WWOX: variants seen among roughly 807,000 people sequenced by gnomAD.
WWOX encodes WW domain-containing oxidoreductase.
A neutral mutation model predicts 46.2 loss-of-function variants in WWOX; 69 were observed. The observed-to-expected ratio is 1.49, with a 90% CI of 1.23 to 1.82. The LOEUF is 1.82. Among genes scored for constraint, WWOX ranks in the 40% most tolerant of loss-of-function variants. WWOX has a pLI of 0.00. For synonymous variants in WWOX, 359 were observed against 202.6 expected (o/e 1.77, Z -6.56); for missense variants, 919 against 542.6 (o/e 1.69, Z -6.89).
At chr16:78,246,175 C>T (rs1231663752) in intron 5 of WWOX, among the ~76,000 whole-genome samples, 2 of 152,140 alleles carry the variant, frequency 1.3e-5, no homozygotes, top group Admixed American at 6.5e-5. Flanking sequence ...GCCATTGAAA[C>T]ATTGCATTTG....
At position 79,192,197 on chromosome 16, in the gene WWOX, A is replaced by G. The variant is rs551783448; in HGVS notation, c.1057-19411A>G. On this transcript the variant is annotated intron_variant, in intron 8 of 8. Transcript: ENST00000566780. ...GCCAGCTCTAATAGGGAATGTGTGT[A>G]TTTTTAAAGTCTGGGTAAGCACTGT... Among the ~76,000 whole-genome samples, 8 of 152,354 alleles carry G rather than the reference A, an allele frequency of 5.3e-5. 1 individual carries two copies. The highest frequency in any genetic ancestry group is 5.2e-4 in the Admixed American group (8 of 15,304).
At chr16:78,269,830 C>G (rs115803728) in intron 5 of WWOX, among the ~76,000 whole-genome samples, 2,772 of 151,966 alleles carry the variant, frequency 0.018, 80 homozygotes, top group African/African-American at 0.06. Flanking sequence ...CACACACACA[C>G]AGTTTTCCAG....
intron 8 of WWOX, among the ~76,000 whole-genome samples, chr16:78,548,816 C>G (rs956094875): frequency 6.6e-6 from 1 of 152,122 alleles, no homozygotes; most frequent in Non-Finnish European, 1.5e-5. Context: ...TCAATATTTG[C>G]CTTTTGGCTG....
chr16:79,104,735 C>G (rs2049272878), intron 8 of WWOX, among the ~76,000 whole-genome samples: 1 of 152,072 alleles, frequency 6.6e-6, no homozygotes, highest in African/African-American at 2.4e-5. Flanking sequence ...CAGCATGAGT[C>G]CTTTTCAGAG....
intron 8 of WWOX, among the ~76,000 whole-genome samples, chr16:79,045,629 G>A (rs1172552695): frequency 6.6e-6 from 1 of 152,050 alleles, no homozygotes; most frequent in African/African-American, 2.4e-5. Flanking sequence ...GACCAGCTTG[G>A]AGGCAGAGGC....
intron 8 of WWOX, among the ~76,000 whole-genome samples, chr16:78,621,633 C>T (rs377664697): frequency 8.7e-4 from 35 of 40,454 alleles, no homozygotes; most frequent in African/African-American, 2.9e-3. Flanking sequence ...GAGACAGAGT[C>T]TTGCTCTGTT....
chr16:78,457,286 C>T (rs1263886361), intron 8 of WWOX, among the ~76,000 whole-genome samples: 6 of 152,156 alleles, frequency 3.9e-5, no homozygotes, highest in Admixed American at 2.6e-4. Flanking sequence ...TTCCATTGCA[C>T]GACTTTAAAT....
chr16:79,044,411 C>A (rs1017886693), intron 8 of WWOX, among the ~76,000 whole-genome samples: 1 of 152,114 alleles, frequency 6.6e-6, no homozygotes, highest in Non-Finnish European at 1.5e-5. Context: ...TTACCACCAT[C>A]CTCTTGGTAC....
chr16:78,417,943 T>C (rs1330391042), intron 6 of WWOX, among the ~76,000 whole-genome samples: 6 of 152,238 alleles, frequency 3.9e-5, no homozygotes, highest in Non-Finnish European at 8.8e-5. Context: ...GAATGAATTA[T>C]TCCTTAATAA....
intron 5 of WWOX, among the ~76,000 whole-genome samples, chr16:78,382,166 T>C (rs900720674): frequency 6.6e-6 from 1 of 152,204 alleles, no homozygotes; most frequent in Admixed American, 6.5e-5. Flanking sequence ...ACTGAGTTAG[T>C]TGTTGTTGTT....
chr16:78,214,323 A>G (rs2036650674), intron 5 of WWOX, among the ~76,000 whole-genome samples: 1 of 107,456 alleles, frequency 9.3e-6, no homozygotes, highest in Non-Finnish European at 1.8e-5. Flanking sequence ...AACTTCAATT[A>G]TCTCATCTGT....
chr16:79,127,661 C>G (rs897927187), intron 8 of WWOX, among the ~76,000 whole-genome samples: 1 of 152,130 alleles, frequency 6.6e-6, no homozygotes, highest in Admixed American at 6.5e-5. Context: ...AGAGTATGCA[C>G]TCCGGTCGTT....
intron 8 of WWOX, among the ~76,000 whole-genome samples, chr16:78,687,251 T>C (rs928514861): frequency 2.6e-5 from 4 of 152,222 alleles, no homozygotes; most frequent in African/African-American, 9.6e-5. Context: ...ATTGGAAATA[T>C]GAACCCAATA....
intron 8 of WWOX, among the ~76,000 whole-genome samples, chr16:78,944,708 C>G (rs761766715): frequency 1.3e-5 from 2 of 152,066 alleles, no homozygotes; most frequent in African/African-American, 4.8e-5. Context: ...CCTGCAAAAG[C>G]CAACTTGAGA....
At chr16:78,869,649 T>C (rs914356297) in intron 8 of WWOX, among the ~76,000 whole-genome samples, 5 of 151,568 alleles carry the variant, frequency 3.3e-5, no homozygotes, top group African/African-American at 9.8e-5. Flanking sequence ...TTCTGCGGTA[T>C]TTTTGTGGAC....
chr16:78,822,649 T>C (rs1035978135), intron 8 of WWOX, among the ~76,000 whole-genome samples: 3 of 152,224 alleles, frequency 2.0e-5, no homozygotes, highest in Admixed American at 1.3e-4. Flanking sequence ...GGTGGAATAT[T>C]ATTTTGAATC....
chr16:78,709,836 C>G (rs772043704), intron 8 of WWOX, among the ~76,000 whole-genome samples: 2 of 151,138 alleles, frequency 1.3e-5, no homozygotes, highest in African/African-American at 2.4e-5. Context: ...TCAAGTGATT[C>G]TCCTGCCTGA....
chr16:78,420,109 C>T (rs7204012), intron 6 of WWOX, among the ~76,000 whole-genome samples: 1,551 of 152,126 alleles, frequency 0.01, 24 homozygotes, highest in African/African-American at 0.034. Context: ...ATAAAAAAGT[C>T]AGATAACAAA....
At chr16:79,202,201 G>T (rs1169566301) in intron 8 of WWOX, among the ~76,000 whole-genome samples, 3 of 152,092 alleles carry the variant, frequency 2.0e-5, no homozygotes, top group Non-Finnish European at 4.4e-5. Context: ...CTTAATCTCT[G>T]GCCCTTTGCA....
Sources: gnomAD v4.1 joint callset for allele counts (sites outside exome capture counted in the v4.1 genomes callset) on GRCh38, gnomAD v4.1.1 for gene constraint, MANE v1.5 for transcripts, NCBI Gene and HGNC (gene_info 2026-07-23, HGNC 2026-07-21) for gene names.